DPCD: variants seen among roughly 807,000 people sequenced by gnomAD.
DPCD encodes protein DPCD.
In DPCD, 20 loss-of-function variants were observed where a neutral mutation model predicts 26.4. The ratio of observed to expected loss-of-function variants is 0.76; its 90% CI spans 0.53 to 1.10. The LOEUF is 1.10. Ranked by LOEUF, DPCD falls within the 50% of genes least tolerant of loss-of-function variation. DPCD has a pLI of 0.00. For missense variants in DPCD, 202 were observed against 253.9 expected, an observed-to-expected ratio of 0.80 and a Z score of 1.39; for synonymous variants, 97 against 94.2, an observed-to-expected ratio of 1.03 and a Z score of -0.17.
intron 2 of DPCD, among the ~76,000 whole-genome samples, chr10:101,597,736 C>T (rs2063664431): frequency 1.3e-5 from 2 of 152,198 alleles, no homozygotes. Flanking sequence ...ATAATCAAAT[C>T]AGAGTGACAG....
chr10:101,588,354 G>T lies in DPCD; in HGVS notation c.18G>T (p.Trp6Cys), dbSNP rs754531485. The T allele has an allele frequency of 5.6e-6, 9 of 1,600,166 alleles. No homozygotes were observed. In the East Asian group the frequency reaches 1.3e-4, roughly 24 times the overall value. Residue 6 changes from tryptophan (W) to cysteine (C), a missense_variant, in exon 1 of 6, where the codon TGG (tryptophan) becomes TGT (cysteine). Trp to Cys is a radical substitution (Grantham distance 215). This residue lies in a region of DPCD where 47 missense variants were observed against 32.8 expected (regional missense o/e 1.43). Coordinates refer to ENST00000370151, the MANE Select transcript of DPCD (RefSeq NM_015448.3). MAVTG[W>C]LESLRTAQKT... ...GGGGAAAGATGGCGGTGACGGGCTG[G>T]TTGGAGAGTCTGCGGACAGCCCAGA...
chr10:101,602,525 CTATAAA>C (rs1304393508), intron 4 of DPCD, among the ~76,000 whole-genome samples: 4 of 152,210 alleles, frequency 2.6e-5, no homozygotes, highest in African/African-American at 4.8e-5. Flanking sequence ...TGGGCCTTGT[CTATAAA>C]TATAAAGTCA....
rs774569499 is a variant in DPCD, at chr10:101,594,725, G to A, written c.132G>A (p.Thr44=). The A allele has an allele frequency of 1.1e-5, 18 of 1,614,028 alleles. No individual in the cohort carries two copies. The highest frequency in any genetic ancestry group is 1.7e-5 in the Admixed American group (1 of 60,004). The part of the protein sequence containing the change: ...KEMAEEYDEK[T]SELLVRKWRV... Reference sequence around the variant, plus strand: ...TGGCTGAAGAATATGACGAGAAGACGAGTGAACTACTTGGTAAGTGACAGA... The same window carrying A: ...TGGCTGAAGAATATGACGAGAAGACAAGTGAACTACTTGGTAAGTGACAGA... The change falls in exon 2 of 6, where the codon ACG becomes ACA. Residue 44 remains threonine, a synonymous_variant. Transcript: ENST00000370151.
At chr10:101,589,067 A>C (rs1044472705) in intron 1 of DPCD, among the ~76,000 whole-genome samples, 1 of 152,234 alleles carries the variant, frequency 6.6e-6, no homozygotes, top group Non-Finnish European at 1.5e-5. Flanking sequence ...CCCTTTGTGC[A>C]CTTGGGTCCT....
At position 101,600,911 on chromosome 10, in the gene DPCD, C is replaced by T; in HGVS notation, c.270+49C>T. 1 of 1,610,458 alleles carries T rather than the reference C, an allele frequency of 6.2e-7. No individual in the cohort carries two copies. The highest frequency in any genetic ancestry group is 8.5e-7 in the Non-Finnish European group (1 of 1,179,124). On this transcript the variant is annotated intron_variant, in intron 3 of 5. Coordinates refer to ENST00000370151, the MANE Select transcript of DPCD (RefSeq NM_015448.3). The surrounding 1 kb of genome is among the most constrained non-coding windows in gnomAD (Gnocchi z 4.7). Reference sequence around the variant, plus strand: ...TTGCACGGACTGAGGTGGGGGTGGGCTGTGGGCTGCTGGCTCTTGAGGGCA... The same window carrying T: ...TTGCACGGACTGAGGTGGGGGTGGGTTGTGGGCTGCTGGCTCTTGAGGGCA...
chr10:101,588,405 C>T lies in DPCD; in HGVS notation c.64+5C>T. The T allele has an allele frequency of 6.3e-7, 1 of 1,589,636 alleles. No homozygotes were observed. The highest frequency in any genetic ancestry group is 8.6e-7 in the Non-Finnish European group (1 of 1,167,062). On this transcript the variant is annotated splice_donor_5th_base_variant and intron_variant, in intron 1 of 5. Coordinates refer to ENST00000370151, the MANE Select transcript of DPCD (RefSeq NM_015448.3). The stretch of plus-strand genomic sequence containing the variant: ...AGACTGCGCTGCTGCAGGACGGTAA[C>T]TCGAGGGTCCCCACGGGCTCCTTCG...
intron 4 of DPCD, among the ~76,000 whole-genome samples, chr10:101,608,353 T>C (rs2063747134): frequency 6.6e-6 from 1 of 152,236 alleles, no homozygotes; most frequent in Non-Finnish European, 1.5e-5. Flanking sequence ...GAAGAGGTAG[T>C]TGAGGCCTTC....
In DPCD at chr10:101,608,888, A is replaced by AG; in HGVS notation, c.458_459insG (p.Asp153GlufsTer2). ...CTAGATAGACACCAGCTACCTCTGGATGACGCCTTGCTGAGCTTTGCCCAC... is the reference window on the plus strand; with the variant it reads ...CTAGATAGACACCAGCTACCTCTGGAGTGACGCCTTGCTGAGCTTTGCCCAC... On this transcript the variant is annotated frameshift_variant, in exon 5 of 6. Transcript: ENST00000370151. LOFTEE classifies it high-confidence loss of function. The AG allele has an allele frequency of 6.2e-7, 1 of 1,613,812 alleles. No homozygotes were observed. Among genetic ancestry groups the AG allele is most frequent in the Non-Finnish European group, 8.5e-7 (1 of 1,179,928 alleles).
chr10:101,607,456 G>C (rs2063740423), intron 4 of DPCD, among the ~76,000 whole-genome samples: 1 of 152,160 alleles, frequency 6.6e-6, no homozygotes, highest in African/African-American at 2.4e-5. Context: ...CTTTTGAACT[G>C]TCAGCCTTTA....
intron 2 of DPCD, 69 bp downstream of exon 2, chr10:101,594,807 C>G (rs532752361): frequency 2.1e-6 from 3 of 1,452,562 alleles, no homozygotes; most frequent in South Asian, 1.1e-5. Context: ...ATGAACACTC[C>G]TAGCCTTAGG....
At chr10:101,595,231 G>A (rs189979227) in intron 2 of DPCD, among the ~76,000 whole-genome samples, 233 of 152,314 alleles carry the variant, frequency 1.5e-3, no homozygotes, top group African/African-American at 5.5e-3. Flanking sequence ...CTCAGTCAAA[G>A]AGGGTCAAAA....
At position 101,609,303 on chromosome 10, in the gene DPCD, AGT is replaced by A; in HGVS notation, c.508-56_508-55del. On this transcript the variant is annotated intron_variant, in intron 5 of 5. Coordinates refer to ENST00000370151, the MANE Select transcript of DPCD (RefSeq NM_015448.3). The stretch of plus-strand genomic sequence containing the variant: ...GGGATCAGAAGGAGAAGGGGCCCCA[AGT>A]GTGTGTGGAAGGAGATGGGACAGTG... 3 of 1,542,000 alleles carry A rather than the reference AGT, an allele frequency of 1.9e-6. No individual in the cohort carries two copies. In the Admixed American group the frequency reaches 5.3e-5, roughly 27 times the overall value.
intron 4 of DPCD, among the ~76,000 whole-genome samples, chr10:101,604,076 G>A (rs1001587476): frequency 2.0e-5 from 3 of 152,242 alleles, no homozygotes; most frequent in African/African-American, 7.2e-5. Context: ...ATTCTGGCAG[G>A]TGGGGAAGTG....
In DPCD at chr10:101,608,976, A is replaced by C. The variant is rs1047243433; in HGVS notation, c.507+39A>C. ...AGACTTCTTGGACACTGCATCAGGG[A>C]GAGTCTTCCTCTTTCCCTGCCCACT... On this transcript the variant is annotated intron_variant, in intron 5 of 5. Transcript: ENST00000370151. 5.3e-6 allele frequency: 8 copies of C among 1,511,250 alleles called. No individual in the cohort carries two copies. The African/African-American group carries it at 1.1e-4, about 21-fold the overall frequency. The allele number at this position is 1,511,250 out of a possible 1,614,324, so 93.6% of individuals were successfully genotyped here.
intron 4 of DPCD, chr10:101,605,244 C>A: frequency 6.5e-7 from 1 of 1,548,590 alleles, no homozygotes; most frequent in South Asian, 1.2e-5. Flanking sequence ...TGATTGTCCA[C>A]AGCAGCCCTG....
chr10:101,609,166 G>A, intron 5 of DPCD: 1 of 647,792 alleles, frequency 1.5e-6, no homozygotes, highest in Non-Finnish European at 2.7e-6. Flanking sequence ...AAGGGAAGCG[G>A]TGGAAATTGC....
chr10:101,593,009 T>TCAAAAAAAAAACC (rs1554920604), intron 1 of DPCD, among the ~76,000 whole-genome samples: 1 of 147,272 alleles, frequency 6.8e-6, no homozygotes, highest in Non-Finnish European at 1.5e-5. Context: ...CGAGACTCTG[T>TCAAAAAAAAAACC]CAAAAAAAAA....
At chr10:101,608,716 C>T (rs2063749253) in intron 4 of DPCD, 119 bp from the exon 5 acceptor site, 1 of 682,628 alleles carries the variant, frequency 1.5e-6, no homozygotes, top group South Asian at 1.6e-5. Flanking sequence ...TCCCTTCTCC[C>T]TCTCTGCGTG....
intron 4 of DPCD, chr10:101,605,024 G>C: frequency 7.0e-7 from 1 of 1,434,586 alleles, no homozygotes; most frequent in East Asian, 2.5e-5. Flanking sequence ...GGGGCCGAGA[G>C]CCTTTAGTAT....
Sources: gnomAD v4.1 joint callset for allele counts (sites outside exome capture counted in the v4.1 genomes callset) on GRCh38, gnomAD v4.1.1 for gene constraint, gnomAD v4.1.1 regional missense constraint, Gnocchi (gnomAD v3.1) non-coding constraint, MANE v1.5 for transcripts, NCBI Gene and HGNC (gene_info 2026-07-23, HGNC 2026-07-21) for gene names.